Variants in MYO5B observed in about 807,000 individuals in gnomAD.
MYO5B encodes the protein unconventional myosin-Vb.
In MYO5B, 143 loss-of-function variants were observed where a neutral mutation model predicts 229.3. The observed-to-expected ratio is 0.62, with a 90% confidence interval of 0.54 to 0.72. MYO5B has a LOEUF of 0.72. Ranked by LOEUF, MYO5B falls within the 30% of genes least tolerant of loss-of-function variation. The pLI is 0.00. For missense variants in MYO5B, 2,321 were observed against 2,331.0 expected (o/e 1.00, Z 0.09); for synonymous variants, 918 against 885.2 (o/e 1.04, Z -0.66).
chr18:50,012,857 C>T (rs1450254647), intron 4 of MYO5B, among the ~76,000 whole-genome samples: 1 of 152,174 alleles, frequency 6.6e-6, no homozygotes, highest in Non-Finnish European at 1.5e-5. Flanking sequence ...ATGCAAGGAC[C>T]CTTCAAACAC....
rs1265506124 is a variant in MYO5B, at chr18:49,837,789, C to T, written c.4866G>A (p.Leu1622=). The T allele has an allele frequency of 5.6e-6, 9 of 1,614,060 alleles. No homozygotes were observed. Among genetic ancestry groups the T allele is most frequent in the Non-Finnish European group, 4.2e-6 (5 of 1,180,022 alleles). The change falls in exon 37 of 40, where the codon TTG becomes TTA. Residue 1622 remains leucine, a synonymous_variant. Transcript: ENST00000285039. The part of the protein sequence containing the change: ...VLQPMIVSAM[L]ENESIQGLSG... ...ATAGACCCTGAATGCTCTCATTTTC[C>T]AACATGGCAGAAACTGAAATAAAAG...
chr18:49,929,661 A>C, intron 16 of MYO5B, 63 bp from the exon 17 acceptor site: 1 of 1,401,336 alleles, frequency 7.1e-7, no homozygotes, highest in East Asian at 2.4e-5. Context: ...ATTTGCAAAA[A>C]AGAAACAAAA....
intron 1 of MYO5B, among the ~76,000 whole-genome samples, chr18:50,138,522 C>A (rs1424745984): frequency 6.6e-6 from 1 of 152,092 alleles, no homozygotes; most frequent in African/African-American, 2.4e-5. Context: ...GGCACCAGAA[C>A]AGTGTTAAAT....
chr18:50,163,309 C>T (rs2032797478), intron 1 of MYO5B, among the ~76,000 whole-genome samples: 2 of 152,190 alleles, frequency 1.3e-5, no homozygotes, highest in Non-Finnish European at 2.9e-5. Context: ...GGAGAGAGCT[C>T]GGCTCGTTCA....
chr18:49,942,768 G>T (rs1236880080), intron 14 of MYO5B, among the ~76,000 whole-genome samples: 21 of 152,198 alleles, frequency 1.4e-4, no homozygotes, highest in African/African-American at 4.8e-4. Flanking sequence ...CTGTTGGTGG[G>T]ACTGTAAACT....
chr18:50,192,089 A>G (rs2033236327), intron 1 of MYO5B, among the ~76,000 whole-genome samples: 1 of 142,500 alleles, frequency 7.0e-6, no homozygotes, highest in East Asian at 2.0e-4. Context: ...AAAAAAAAAA[A>G]TGTAGCTTGT....
chr18:50,164,141 G>T (rs2032809724), intron 1 of MYO5B, among the ~76,000 whole-genome samples: 2 of 152,090 alleles, frequency 1.3e-5, no homozygotes, highest in South Asian at 2.1e-4. Context: ...GACTACAGAA[G>T]CTCCCCACAC....
chr18:49,877,782 T>A lies in MYO5B; in HGVS notation c.3377A>T (p.Asp1126Val), dbSNP rs1364696252. 3 of 1,614,014 alleles carry A rather than the reference T, an allele frequency of 1.9e-6. No individual in the cohort carries two copies. Among genetic ancestry groups the A allele is most frequent in the East Asian group, 2.2e-5 (1 of 44,890 alleles). Residue 1126 changes from aspartate to valine, a missense_variant, in exon 25 of 40, where the codon GAT becomes GTT. Physicochemically the swap from Asp to Val is radical, Grantham distance 152. Transcript: ENST00000285039. ...ACTCACCTCCACCTGCTGGAGGGCATCCTCAGTGTCTCCGATCTCAGATGT... is the reference window on the plus strand; with the variant it reads ...ACTCACCTCCACCTGCTGGAGGGCAACCTCAGTGTCTCCGATCTCAGATGT... ...ISTSEIGDTEDALQQVEEIGL... is the reference protein window; with the variant it reads ...ISTSEIGDTEVALQQVEEIGL...
At chr18:49,897,431 T>TA (rs1343030717) in intron 21 of MYO5B, among the ~76,000 whole-genome samples, 1 of 151,858 alleles carries the variant, frequency 6.6e-6, no homozygotes, top group Admixed American at 6.6e-5. Context: ...CAAAAAAAAG[T>TA]AAAAAAAAAT....
In MYO5B at chr18:50,125,313, T is replaced by C. The variant is rs543648616; in HGVS notation, c.27+69454A>G. Among the ~76,000 whole-genome samples the C allele has an allele frequency of 6.4e-5, 9 of 139,708 alleles. No individual in the cohort carries two copies. In the South Asian group the frequency reaches 9.0e-4, roughly 14 times the overall value. 91.7% of individuals were successfully genotyped at this position (139,708 alleles called of 152,430 possible). On this transcript the variant is annotated intron_variant, in intron 1 of 39. Coordinates refer to ENST00000285039, the MANE Select transcript of MYO5B (RefSeq NM_001080467.3). ...CGCATGTTCTCACTCATGGTGGGAATTGAACAATGAGAACACTTGGACACA... is the reference window on the plus strand; with the variant it reads ...CGCATGTTCTCACTCATGGTGGGAACTGAACAATGAGAACACTTGGACACA...
At chr18:49,899,922 TTTTTA>T (rs1360230446) in intron 21 of MYO5B, among the ~76,000 whole-genome samples, 1 of 92,298 alleles carries the variant, frequency 1.1e-5, no homozygotes, top group African/African-American at 4.2e-5. Context: ...CAAAAAGCTT[TTTTTA>T]TTTTTTTTTT....
intron 10 of MYO5B, 71 bp from the exon 11 acceptor site, chr18:49,963,101 T>A (rs573153311): frequency 1.2e-4 from 151 of 1,271,684 alleles, no homozygotes; most frequent in Non-Finnish European, 1.6e-4. Context: ...TCAACAAAGC[T>A]GCTCTGACCC....
intron 3 of MYO5B, among the ~76,000 whole-genome samples, chr18:50,038,935 G>T (rs921679540): frequency 2.0e-4 from 30 of 152,182 alleles, no homozygotes; most frequent in Non-Finnish European, 1.5e-5. Flanking sequence ...GAGCTTTTGG[G>T]AAATCACAGC....
intron 1 of MYO5B, among the ~76,000 whole-genome samples, chr18:50,190,428 C>T (rs1618185): frequency 0.87 from 133,113 of 152,230 alleles, 58,309 homozygotes; most frequent in Middle Eastern, 0.9. Context: ...TCAGCTCCAC[C>T]TTTGGAGCTG....
chr18:50,097,359 C>G (rs2144497144), intron 1 of MYO5B: 1 of 443,638 alleles, frequency 2.3e-6, no homozygotes, highest in East Asian at 7.1e-5. Context: ...TCTTTTGATT[C>G]CCAGTCCAAG....
intron 1 of MYO5B, among the ~76,000 whole-genome samples, chr18:50,113,710 A>G (rs960391455): frequency 6.6e-6 from 1 of 152,338 alleles, no homozygotes; most frequent in Non-Finnish European, 1.5e-5. Context: ...TTCTCATGGC[A>G]GAGTCCATCA....
chr18:49,864,777 T>C (rs1467130105), intron 27 of MYO5B, among the ~76,000 whole-genome samples: 2 of 152,226 alleles, frequency 1.3e-5, no homozygotes, highest in Non-Finnish European at 2.9e-5. Context: ...CAAGAAAAGA[T>C]ACAAGAATGC....
At chr18:49,928,042 G>C (rs1790776) in intron 17 of MYO5B, among the ~76,000 whole-genome samples, 1 of 151,702 alleles carries the variant, frequency 6.6e-6, no homozygotes, top group Non-Finnish European at 1.5e-5. Flanking sequence ...AAGTAGCACA[G>C]AAAAAAAACC....
intron 17 of MYO5B, among the ~76,000 whole-genome samples, chr18:49,927,585 A>C (rs959042117): frequency 2.0e-5 from 3 of 152,222 alleles, no homozygotes; most frequent in African/African-American, 7.2e-5. Flanking sequence ...AGAACCCAGA[A>C]ATAAGACCAA....
Sources: gnomAD v4.1 joint callset for allele counts (sites outside exome capture counted in the v4.1 genomes callset) on GRCh38, gnomAD v4.1.1 for gene constraint, MANE v1.5 for transcripts, NCBI Gene and HGNC (gene_info 2026-07-23, HGNC 2026-07-21) for gene names.